Variants in RFX3 observed in about 807,000 individuals in gnomAD.
The protein encoded by RFX3 is regulatory factor X3.
RFX3 carries 14 observed loss-of-function variants against 98.6 expected under a neutral mutation model. The observed-to-expected ratio is 0.14, with a 90% CI of 0.09 to 0.22. The LOEUF (loss-of-function observed/expected upper bound fraction) is 0.22, where lower values mean the gene tolerates loss of function less well. RFX3 is among the 10% of genes least tolerant of loss of function. The probability of loss-of-function intolerance (pLI) is 1.00; values close to 1 mark genes in which losing one functional copy is unlikely to be tolerated. For synonymous variants in RFX3, 383 were observed against 328.4 expected (o/e 1.17, Z -1.80); for missense variants, 639 against 926.9 (o/e 0.69, Z 4.03).
At chr9:3,270,127 G>GAAAGAAAGAAAGAAAGAAAGAAAGAAAGA in intron 11 of RFX3, among the ~76,000 whole-genome samples, 2 of 41,752 alleles carry the variant, frequency 4.8e-5, no homozygotes, top group African/African-American at 2.3e-4. Context: ...AGAAAGAAAG[G>GAAAGAAAGAAAGAAAGAAAGAAAGAAAGA]AAAGAAAGAA....
chr9:3,511,850 C>T (rs151101459), intron 1 of RFX3, among the ~76,000 whole-genome samples: 125 of 152,038 alleles, frequency 8.2e-4, no homozygotes, highest in African/African-American at 2.7e-3. Flanking sequence ...AAGATATGAC[C>T]GGAAACCAAG....
chr9:3,360,447 AGTATG>A (rs756765072), intron 2 of RFX3, among the ~76,000 whole-genome samples: 2 of 152,264 alleles, frequency 1.3e-5, no homozygotes, highest in Non-Finnish European at 2.9e-5. Flanking sequence ...AGTACACATC[AGTATG>A]TTGGCAGCAA....
rs565091898 is a variant in RFX3 at position 3,222,663 on chromosome 9, T to C, written c.*2379A>G. On this transcript the variant is annotated 3_prime_UTR_variant, in exon 17 of 17. Coordinates refer to ENST00000617270, the MANE Select transcript of RFX3 (RefSeq NM_001282116.2). ...TGAAGAGTGTTTTTTCAATTTTTGA[T>C]TTTAATTTTACCTGTAAACACTTCC... is the stretch of plus-strand genomic sequence containing the variant. 1.3e-5 allele frequency: 2 copies of C among 152,288 alleles called. No individual in the cohort carries two copies. The highest frequency in any genetic ancestry group is 2.1e-4 in the South Asian group (1 of 4,820). 9.4% of individuals were successfully genotyped at this position (152,288 alleles called of 1,614,324 possible). A position where few individuals can be genotyped will look rare whatever the true frequency, so the allele number is the denominator to read the frequency against.
intron 4 of RFX3, among the ~76,000 whole-genome samples, chr9:3,313,435 A>G (rs546755697): frequency 1.3e-5 from 2 of 152,358 alleles, no homozygotes; most frequent in African/African-American, 4.8e-5. Flanking sequence ...AGAAAAGCTG[A>G]AAATTCTAAA....
chr9:3,252,233 G>C (rs1039483086), intron 14 of RFX3, among the ~76,000 whole-genome samples: 1 of 152,172 alleles, frequency 6.6e-6, no homozygotes, highest in Non-Finnish European at 1.5e-5. Flanking sequence ...TTATTTAGCA[G>C]ATATTTATTG....
chr9:3,392,146 C>A (rs1240871001), intron 2 of RFX3, among the ~76,000 whole-genome samples: 1 of 152,054 alleles, frequency 6.6e-6, no homozygotes, highest in Non-Finnish European at 1.5e-5. Context: ...TTGAAGTCAA[C>A]AAGACTCACT....
chr9:3,463,125 T>C (rs1038418776), intron 1 of RFX3, among the ~76,000 whole-genome samples: 2 of 152,126 alleles, frequency 1.3e-5, no homozygotes, highest in African/African-American at 4.8e-5. Context: ...GGATTATATA[T>C]TACTTAACTG....
intron 2 of RFX3, among the ~76,000 whole-genome samples, chr9:3,366,250 C>G (rs532730207): frequency 6.6e-6 from 1 of 152,214 alleles, no homozygotes; most frequent in African/African-American, 2.4e-5. Flanking sequence ...GATGCAGTGT[C>G]TTTTTATAGG....
rs199765108 is a variant in RFX3 at position 3,277,356 on chromosome 9, A to T, written c.957T>A (p.His319Gln). ...VEQTVIAQSQHHQQFLDASRA... is the reference protein window; with the variant it reads ...VEQTVIAQSQQHQQFLDASRA... ...TTAACATACCTAAAAACTGTTGATG[A>T]TGTTGGCTTTGGGCAATTACAGTTT... The change falls in exon 8 of 17, where the codon CAT (histidine) becomes CAA (glutamine). Residue 319 changes from histidine to glutamine, a missense_variant. Transcript: ENST00000617270. 2 of 1,612,664 alleles carry T rather than the reference A, an allele frequency of 1.2e-6. No individual in the cohort carries two copies. The highest frequency in any genetic ancestry group is 1.7e-6 in the Non-Finnish European group (2 of 1,178,962).
rs549157795 is a variant in RFX3, at chr9:3,377,386, T to C, written c.117+18086A>G. Among the ~76,000 whole-genome samples, 650 of 152,142 alleles carry C rather than the reference T, an allele frequency of 4.3e-3. 3 individuals are homozygous for C. The highest frequency in any genetic ancestry group is 0.015 in the African/African-American group (606 of 41,520). On this transcript the variant is annotated intron_variant, in intron 2 of 16. Transcript: ENST00000617270. ...GCATGTTCTCACTCATAGGTGGGAA[T>C]TGAACAATGAGAACACTTGGACACA...
At chr9:3,491,480 A>G (rs981989841) in intron 1 of RFX3, among the ~76,000 whole-genome samples, 2 of 152,180 alleles carry the variant, frequency 1.3e-5, no homozygotes, top group African/African-American at 4.8e-5. Context: ...TGAGTCAAAC[A>G]TATCTGCAGT....
chr9:3,272,058 C>T (rs1421615887), intron 9 of RFX3, among the ~76,000 whole-genome samples: 1 of 152,014 alleles, frequency 6.6e-6, no homozygotes, highest in East Asian at 1.9e-4. Flanking sequence ...CTTAAATGTA[C>T]CACTTTCCGT....
chr9:3,425,929 A>C (rs1564085357), intron 1 of RFX3, among the ~76,000 whole-genome samples: 1 of 152,202 alleles, frequency 6.6e-6, no homozygotes, highest in African/African-American at 2.4e-5. Context: ...ATCGTAAAAC[A>C]AATTTTTAAT....
intron 1 of RFX3, among the ~76,000 whole-genome samples, chr9:3,423,379 C>T (rs1843622745): frequency 6.6e-6 from 1 of 151,956 alleles, no homozygotes; most frequent in Admixed American, 6.6e-5. Flanking sequence ...AACTGAAAAC[C>T]AAATATACAT....
chr9:3,344,936 A>T, intron 3 of RFX3: 6 of 677,872 alleles, frequency 8.9e-6, no homozygotes. Flanking sequence ...AAATATGTAA[A>T]GAGGTATAGA....
chr9:3,294,238 T>C (rs1361525673), intron 5 of RFX3, among the ~76,000 whole-genome samples: 3 of 152,146 alleles, frequency 2.0e-5, no homozygotes, highest in African/African-American at 7.2e-5. Context: ...TGGTTTCCAA[T>C]TCACATTTCC....
rs139489862 is a variant in RFX3 at position 3,391,235 on chromosome 9, G to A, written c.117+4237C>T. Among the ~76,000 whole-genome samples, 894 of 152,120 alleles carry A rather than the reference G, an allele frequency of 5.9e-3. 11 individuals carry two copies. The highest frequency in any genetic ancestry group is 0.021 in the African/African-American group (857 of 41,482). ...GCATGTCAGAGGAATAGGAATTATA[G>A]CATGAATCTTATCAGTTATAGACAA... is the stretch of plus-strand genomic sequence containing the variant. On this transcript the variant is annotated intron_variant, in intron 2 of 16. Transcript: ENST00000617270.
At chr9:3,390,735 C>T (rs9298953) in intron 2 of RFX3, among the ~76,000 whole-genome samples, 146,819 of 152,194 alleles carry the variant, frequency 0.96, 70,833 homozygotes, top group East Asian at 1. Flanking sequence ...CCTGCTGCCA[C>T]CCGTGTAAGA....
In RFX3 at chr9:3,275,620, C is replaced by A. The variant is rs1375781325; in HGVS notation, c.974-8G>T. Reference sequence around the variant, plus strand: ...GAAGTGCTCGAGATGCATCTGTTACCGTGACAACAGAACAGAAAAAAGCTA... The same window carrying A: ...GAAGTGCTCGAGATGCATCTGTTACAGTGACAACAGAACAGAAAAAAGCTA... On this transcript the variant is annotated splice_region_variant and splice_polypyrimidine_tract_variant and intron_variant, in intron 8 of 16. Coordinates refer to ENST00000617270, the MANE Select transcript of RFX3 (RefSeq NM_001282116.2). The A allele has an allele frequency of 6.5e-7, 1 of 1,545,232 alleles. No homozygotes were observed. The highest frequency in any genetic ancestry group is 8.9e-7 in the Non-Finnish European group (1 of 1,118,566).
Sources: allele counts gnomAD v4.1 joint callset (sites outside exome capture counted in the v4.1 genomes callset), GRCh38; gene constraint gnomAD v4.1.1; transcripts MANE v1.5; gene names NCBI Gene and HGNC (gene_info 2026-07-23, HGNC 2026-07-21).